The following ME1 variants were observed in gnomAD, a reference collection of about 807,000 sequenced individuals.
ME1 encodes NADP-dependent malic enzyme.
Under a neutral mutation model 66.4 loss-of-function variants are expected in ME1, and 74 were observed. That is an observed-to-expected ratio of 1.11 (90% CI 0.92 to 1.35). ME1 has a LOEUF of 1.35. ME1 is among the 40% of genes most tolerant of loss of function. The probability of loss-of-function intolerance (pLI) is 0.00; values close to 1 mark genes in which losing one functional copy is unlikely to be tolerated. For missense variants in ME1, 750 were observed against 694.1 expected, an observed-to-expected ratio of 1.08 and a Z score of -0.90; for synonymous variants, 251 against 235.6, an observed-to-expected ratio of 1.07 and a Z score of -0.60.
intron 3 of ME1, among the ~76,000 whole-genome samples, chr6:83,355,865 AC>A (rs759532856): frequency 3.9e-5 from 6 of 152,178 alleles, no homozygotes; most frequent in Non-Finnish European, 7.4e-5. Flanking sequence ...ATACCTTTTC[AC>A]CATCCCTGTT....
intron 3 of ME1, among the ~76,000 whole-genome samples, chr6:83,380,241 T>TG (rs2128548430): frequency 6.6e-6 from 1 of 152,058 alleles, no homozygotes; most frequent in East Asian, 1.9e-4. Flanking sequence ...GCATTCAACT[T>TG]GGGGTAGGGA....
At position 83,365,150 on chromosome 6, in the gene ME1, C is replaced by T. The variant is rs371172942; in HGVS notation, c.363-13011G>A. Among the ~76,000 whole-genome samples, 15 of 152,216 alleles carry T rather than the reference C, an allele frequency of 9.9e-5. No homozygotes were observed. In the East Asian group the frequency reaches 1.4e-3, roughly 14 times the overall value. On this transcript the variant is annotated intron_variant, in intron 3 of 13. Coordinates refer to ENST00000369705, the MANE Select transcript of ME1 (RefSeq NM_002395.6). ...TCTTGTTGCCCAGGCTGGAGTGCAGCGGCACGATGTTGGCTCACTGCAACC... is the reference window on the plus strand; with the variant it reads ...TCTTGTTGCCCAGGCTGGAGTGCAGTGGCACGATGTTGGCTCACTGCAACC...
intron 3 of ME1, among the ~76,000 whole-genome samples, chr6:83,373,997 A>T (rs1405820734): frequency 6.6e-6 from 1 of 152,158 alleles, no homozygotes; most frequent in Non-Finnish European, 1.5e-5. Context: ...CATTTTCATT[A>T]TCCAGTCTAT....
At chr6:83,304,429 C>T (rs560521806) in intron 6 of ME1, among the ~76,000 whole-genome samples, 1 of 152,326 alleles carries the variant, frequency 6.6e-6, no homozygotes, top group South Asian at 2.1e-4. Flanking sequence ...CCATTCCAAC[C>T]TGTGCTCAGT....
At chr6:83,348,200 A>T (rs1240585143) in intron 4 of ME1, among the ~76,000 whole-genome samples, 2 of 152,198 alleles carry the variant, frequency 1.3e-5, no homozygotes, top group African/African-American at 4.8e-5. Flanking sequence ...TACTGGGTTA[A>T]CTTAGCCCTG....
chr6:83,275,253 G>C (rs1481892073), intron 6 of ME1, among the ~76,000 whole-genome samples: 1 of 151,630 alleles, frequency 6.6e-6, no homozygotes, highest in African/African-American at 2.4e-5. Flanking sequence ...AGAATCGCTG[G>C]AACCTGGGAG....
chr6:83,250,023 C>G (rs985676834), intron 7 of ME1, among the ~76,000 whole-genome samples: 2 of 152,114 alleles, frequency 1.3e-5, no homozygotes, highest in Non-Finnish European at 2.9e-5. Flanking sequence ...GTGGCCTTGC[C>G]TATTCCTGAA....
intron 3 of ME1, among the ~76,000 whole-genome samples, chr6:83,384,544 T>G (rs1192760325): frequency 2.0e-5 from 3 of 151,896 alleles, no homozygotes; most frequent in Non-Finnish European, 2.9e-5. Context: ...ATTCTGGATA[T>G]TAGAGCTTTG....
intron 3 of ME1, among the ~76,000 whole-genome samples, chr6:83,369,896 A>C (rs994125815): frequency 6.6e-6 from 1 of 152,200 alleles, no homozygotes; most frequent in African/African-American, 2.4e-5. Flanking sequence ...GAGAATTCTT[A>C]AAGGGTCATG....
At chr6:83,357,902 C>CTCTCTCTCTCTCTCTCTCTCTCTCT (rs1768921889) in intron 3 of ME1, among the ~76,000 whole-genome samples, 3 of 31,562 alleles carry the variant, frequency 9.5e-5, no homozygotes, top group Non-Finnish European at 1.6e-4. Context: ...AATAAACTCC[C>CTCTCTCTCTCTCTCTCTCTCTCTCT]CTCTCTCTCT....
intron 12 of ME1, among the ~76,000 whole-genome samples, chr6:83,219,644 G>A (rs1790049286): frequency 6.6e-6 from 1 of 151,954 alleles, no homozygotes; most frequent in South Asian, 2.1e-4. Context: ...GATTGCCTAC[G>A]CTGGAGTGTA....
rs550347170 is a variant in ME1 at position 83,385,272 on chromosome 6, G to A, written c.362+13095C>T. Among the ~76,000 whole-genome samples, 15 of 151,954 alleles carry A rather than the reference G, an allele frequency of 9.9e-5. 1 individual carries two copies. Among genetic ancestry groups the A allele is most frequent in the African/African-American group, 3.1e-4 (13 of 41,380 alleles). ...CCTTTTTAAAAATTCTTTATTTTTA[G>A]TAAAGAACAGTGAGATTTATAATCT... On this transcript the variant is annotated intron_variant, in intron 3 of 13. Transcript: ENST00000369705.
intron 6 of ME1, among the ~76,000 whole-genome samples, chr6:83,300,610 C>CTTTTTTTT (rs35205380): frequency 7.0e-3 from 592 of 84,836 alleles, no homozygotes; most frequent in Middle Eastern, 0.011. Context: ...TTCTTTCTTT[C>CTTTTTTTT]TTTTTTTTTT....
intron 1 of ME1, among the ~76,000 whole-genome samples, chr6:83,418,896 G>A (rs886680428): frequency 6.6e-5 from 10 of 152,176 alleles, no homozygotes; most frequent in African/African-American, 2.4e-4. Context: ...AATGCAATCT[G>A]AAGGATGACT....
chr6:83,322,468 G>A (rs1459446303), intron 5 of ME1, among the ~76,000 whole-genome samples: 1 of 152,100 alleles, frequency 6.6e-6, no homozygotes, highest in East Asian at 1.9e-4. Context: ...TAAATGACCT[G>A]ATGGACCTGA....
At chr6:83,421,311 T>C (rs1328669142) in intron 1 of ME1, among the ~76,000 whole-genome samples, 1 of 152,144 alleles carries the variant, frequency 6.6e-6, no homozygotes, top group East Asian at 1.9e-4. Flanking sequence ...TGGGAACCAA[T>C]TGCCTGGTAT....
intron 6 of ME1, among the ~76,000 whole-genome samples, chr6:83,312,752 CT>C (rs1322149805): frequency 1.3e-5 from 2 of 151,114 alleles, no homozygotes; most frequent in Admixed American, 6.6e-5. Flanking sequence ...ATGGGTACTC[CT>C]TTTTTTTTAA....
intron 3 of ME1, among the ~76,000 whole-genome samples, chr6:83,391,986 G>C (rs1301886702): frequency 6.6e-6 from 1 of 152,146 alleles, no homozygotes; most frequent in Non-Finnish European, 1.5e-5. Context: ...AAACATTCTA[G>C]ACAATTTATT....
rs1484356274 is a variant in ME1, at chr6:83,426,467, TA to T, written c.78+4409del. 5.3e-5 allele frequency among the ~76,000 whole-genome samples: 8 copies of T among 152,364 alleles called. No homozygotes were observed. In the East Asian group the frequency reaches 1.3e-3, roughly 26 times the overall value. ...CTTTCACATAAGTGGGATTCTATGT[TA>T]AATAATAAATCAGTTTCTCACGTTG... On this transcript the variant is annotated intron_variant, in intron 1 of 13. Transcript: ENST00000369705.
Sources: allele counts gnomAD v4.1 joint callset (sites outside exome capture counted in the v4.1 genomes callset), GRCh38; gene constraint gnomAD v4.1.1; transcripts MANE v1.5; gene names NCBI Gene and HGNC (gene_info 2026-07-23, HGNC 2026-07-21).